CLSTN2: variants seen among roughly 807,000 people sequenced by gnomAD.
The protein encoded by CLSTN2 is calsyntenin-2.
Under a neutral mutation model 101.2 loss-of-function variants are expected in CLSTN2, and 48 were observed. The ratio of observed to expected loss-of-function variants is 0.47; its 90% CI spans 0.38 to 0.60. The LOEUF is 0.60. Among genes scored for constraint, CLSTN2 ranks in the 20% least tolerant of loss-of-function variants. The pLI, the probability that CLSTN2 is intolerant of heterozygous loss-of-function variation, is 0.00. For synonymous variants in CLSTN2, 481 were observed against 463.6 expected (o/e 1.04, Z -0.48); for missense variants, 1,160 against 1,238.2 (o/e 0.94, Z 0.95).
In CLSTN2 at chr3:140,573,518, T is replaced by C. The variant is rs529037779; in HGVS notation, c.*7265T>C. ...CTGAGGCCCAGCAACTATTGATTTATAGCTTAAACTCTGTGAAGGTCCACA... is the reference window on the plus strand; with the variant it reads ...CTGAGGCCCAGCAACTATTGATTTACAGCTTAAACTCTGTGAAGGTCCACA... On this transcript the variant is annotated 3_prime_UTR_variant, in exon 17 of 17. Coordinates refer to ENST00000458420, the MANE Select transcript of CLSTN2 (RefSeq NM_022131.3). 1.1e-4 allele frequency: 17 copies of C among 152,336 alleles called. No homozygotes were observed. The highest frequency in any genetic ancestry group is 3.6e-4 in the African/African-American group (15 of 41,590). 9.4% of individuals were successfully genotyped at this position (152,336 alleles called of 1,614,324 possible).
intron 2 of CLSTN2, among the ~76,000 whole-genome samples, chr3:140,329,833 A>G (rs2087364723): frequency 6.6e-6 from 1 of 152,242 alleles, no homozygotes; most frequent in Non-Finnish European, 1.5e-5. Context: ...AATGCAGCTT[A>G]TATCATTAGG....
rs2008757420 is a variant in CLSTN2, at chr3:140,090,387, A to C, written c.110-85564A>C. ...ATAATCCTGCTCTGTCAATCTTCCC[A>C]CCTTGACTTCCAAAGCACTGGGATT... On this transcript the variant is annotated intron_variant, in intron 1 of 16. Transcript: ENST00000458420. Among the ~76,000 whole-genome samples, 4 of 152,076 alleles carry C rather than the reference A, an allele frequency of 2.6e-5. No individual in the cohort carries two copies. The South Asian group carries it at 8.3e-4, about 32-fold the overall frequency.
At chr3:140,436,157 A>G (rs2088685501) in intron 5 of CLSTN2, among the ~76,000 whole-genome samples, 2 of 152,158 alleles carry the variant, frequency 1.3e-5, no homozygotes, top group South Asian at 4.1e-4. Flanking sequence ...CTTTGCCCAG[A>G]CTAATCAGTG....
chr3:140,291,596 A>G (rs2086953950), intron 2 of CLSTN2, among the ~76,000 whole-genome samples: 2 of 151,472 alleles, frequency 1.3e-5, no homozygotes, highest in Admixed American at 1.3e-4. Context: ...CCTTCCTCCA[A>G]AATTATCCTC....
Position 139,964,417 on chromosome 3 carries a change from A to G in CLSTN2, c.109+28934A>G, listed in dbSNP as rs190478553. Among the ~76,000 whole-genome samples, 11 of 152,232 alleles carry G rather than the reference A, an allele frequency of 7.2e-5. No homozygotes were observed. In the East Asian group the frequency reaches 1.5e-3, roughly 21 times the overall value. ...CAGGTGAAGAGCCCATTTCTAAGAG[A>G]GTACATGATGATATAAAGTAGGTGC... is the stretch of plus-strand genomic sequence containing the variant. On this transcript the variant is annotated intron_variant, in intron 1 of 16. Coordinates refer to ENST00000458420, the MANE Select transcript of CLSTN2 (RefSeq NM_022131.3).
rs185286386 is a variant in CLSTN2, at chr3:140,479,628, A to G, written c.1344+12897A>G. 3.5e-3 allele frequency among the ~76,000 whole-genome samples: 540 copies of G among 152,354 alleles called. 2 individuals are homozygous for G. Among genetic ancestry groups the G allele is most frequent in the African/African-American group, 0.013 (524 of 41,586 alleles). On this transcript the variant is annotated intron_variant, in intron 8 of 16. Coordinates refer to ENST00000458420, the MANE Select transcript of CLSTN2 (RefSeq NM_022131.3). ...TGTCATAATGAATGAACTGATAGGG[A>G]ATCTCAGCAGATAAATGAAACTATA...
intron 1 of CLSTN2, among the ~76,000 whole-genome samples, chr3:140,047,591 T>C (rs1336808947): frequency 2.0e-5 from 3 of 152,220 alleles, no homozygotes; most frequent in Non-Finnish European, 4.4e-5. Context: ...GGAATTTATT[T>C]CTTACAGTTA....
At chr3:140,304,414 T>C (rs774214482) in intron 2 of CLSTN2, among the ~76,000 whole-genome samples, 5 of 152,242 alleles carry the variant, frequency 3.3e-5, no homozygotes, top group African/African-American at 4.8e-5. Flanking sequence ...ATTCAGCTCC[T>C]GGTGAGGGTT....
intron 1 of CLSTN2, among the ~76,000 whole-genome samples, chr3:140,101,057 G>C (rs943076995): frequency 1.3e-5 from 2 of 152,158 alleles, no homozygotes; most frequent in African/African-American, 4.8e-5. Flanking sequence ...GGGTCACACT[G>C]GGTGGGCCTC....
At chr3:140,530,156 A>G (rs927804092) in intron 8 of CLSTN2, among the ~76,000 whole-genome samples, 1 of 152,232 alleles carries the variant, frequency 6.6e-6, no homozygotes, top group East Asian at 1.9e-4. Context: ...CATTTATAAT[A>G]GCTGTTACAT....
chr3:139,957,467 C>T (rs1935428082), intron 1 of CLSTN2, among the ~76,000 whole-genome samples: 1 of 151,892 alleles, frequency 6.6e-6, no homozygotes, highest in Admixed American at 6.6e-5. Flanking sequence ...GTATATGCCT[C>T]AAATAGAGTT....
chr3:140,125,149 G>A (rs1402506771), intron 1 of CLSTN2, among the ~76,000 whole-genome samples: 1 of 152,080 alleles, frequency 6.6e-6, no homozygotes, highest in Non-Finnish European at 1.5e-5. Context: ...AGGGAGGATA[G>A]GGGGAGAGGA....
At chr3:140,048,688 C>T (rs371513938) in intron 1 of CLSTN2, among the ~76,000 whole-genome samples, 2 of 152,058 alleles carry the variant, frequency 1.3e-5, no homozygotes, top group East Asian at 1.9e-4. Flanking sequence ...CAGGTAATGT[C>T]GGCTTCCTTA....
intron 8 of CLSTN2, among the ~76,000 whole-genome samples, chr3:140,483,039 C>T (rs952712812): frequency 5.9e-5 from 9 of 151,918 alleles, no homozygotes; most frequent in East Asian, 5.8e-4. Context: ...GATGTTAGGG[C>T]GTCAATTTTA....
intron 1 of CLSTN2, among the ~76,000 whole-genome samples, chr3:140,150,803 C>T (rs960511923): frequency 6.6e-6 from 1 of 152,076 alleles, no homozygotes; most frequent in Non-Finnish European, 1.5e-5. Context: ...ATCCTGCACA[C>T]CAAATTCTGT....
chr3:140,394,866 G>T lies in CLSTN2; in HGVS notation c.233-8763G>T, dbSNP rs556809546. ...ACTATATTATTTATGTCCAGGGATG[G>T]TTTGCTGAGTGAATGAGTACAGTAG... is the stretch of plus-strand genomic sequence containing the variant. On this transcript the variant is annotated intron_variant, in intron 2 of 16. Transcript: ENST00000458420. 9.2e-5 allele frequency among the ~76,000 whole-genome samples: 14 copies of T among 152,282 alleles called. No individual in the cohort carries two copies. In the East Asian group the frequency reaches 2.7e-3, roughly 29 times the overall value.
At chr3:140,279,410 G>C (rs1211590477) in intron 2 of CLSTN2, among the ~76,000 whole-genome samples, 3 of 152,182 alleles carry the variant, frequency 2.0e-5, no homozygotes, top group African/African-American at 7.2e-5. Flanking sequence ...TTGATTCATT[G>C]AAAAAAGACA....
At position 140,300,500 on chromosome 3, in the gene CLSTN2, G is replaced by A. The variant is rs1053104457; in HGVS notation, c.233-103129G>A. Among the ~76,000 whole-genome samples, 21 of 152,124 alleles carry A rather than the reference G, an allele frequency of 1.4e-4. 1 individual carries two copies. The highest frequency in any genetic ancestry group is 5.9e-5 in the Non-Finnish European group (4 of 68,016). On this transcript the variant is annotated intron_variant, in intron 2 of 16. Coordinates refer to ENST00000458420, the MANE Select transcript of CLSTN2 (RefSeq NM_022131.3). The stretch of plus-strand genomic sequence containing the variant: ...GAGAGTTGGCATTGGGAAATACAAG[G>A]AAAATCTATAAATATATTACTAGAT...
At chr3:140,152,365 T>C (rs1418428221) in intron 1 of CLSTN2, among the ~76,000 whole-genome samples, 1 of 152,126 alleles carries the variant, frequency 6.6e-6, no homozygotes, top group African/African-American at 2.4e-5. Flanking sequence ...CCCTCTCAGT[T>C]CACCTGTCAT....
Sources: gnomAD v4.1 joint callset for allele counts (sites outside exome capture counted in the v4.1 genomes callset) on GRCh38, gnomAD v4.1.1 for gene constraint, MANE v1.5 for transcripts, NCBI Gene and HGNC (gene_info 2026-07-23, HGNC 2026-07-21) for gene names.